HEMK2: variants seen among roughly 807,000 people sequenced by gnomAD.
HEMK2 encodes methyltransferase HEMK2.
At chr21:28,687,653 T>C in the HEMK2 span, among the ~76,000 whole-genome samples, 1 of 152,206 alleles carries the variant, frequency 6.6e-6, no homozygotes, top group Non-Finnish European at 1.5e-5. Context: ...AAAGATACTA[T>C]AAACATGTGA....
At chr21:28,802,641 G>A in the HEMK2 span, among the ~76,000 whole-genome samples, 3 of 152,176 alleles carry the variant, frequency 2.0e-5, no homozygotes, top group Non-Finnish European at 2.9e-5. Flanking sequence ...AGAGGCAGGG[G>A]AATCACTTGA....
the HEMK2 span, among the ~76,000 whole-genome samples, chr21:28,831,928 G>A: frequency 6.6e-6 from 1 of 151,886 alleles, no homozygotes; most frequent in Admixed American, 6.5e-5. Flanking sequence ...ATTTTGTAAG[G>A]TATATAGTAT....
At chr21:28,818,774 A>G in the HEMK2 span, among the ~76,000 whole-genome samples, 2 of 152,180 alleles carry the variant, frequency 1.3e-5, no homozygotes, top group African/African-American at 4.8e-5. Flanking sequence ...TAGCTTCACC[A>G]TTAATTGCTA....
chr21:28,793,002 C>G, the HEMK2 span, among the ~76,000 whole-genome samples: 2 of 152,208 alleles, frequency 1.3e-5, no homozygotes, highest in East Asian at 3.8e-4. Context: ...TAATTACCAC[C>G]TTAGCCCAAA....
At chr21:28,723,171 A>T in the HEMK2 span, among the ~76,000 whole-genome samples, 2 of 151,542 alleles carry the variant, frequency 1.3e-5, no homozygotes, top group African/African-American at 4.8e-5. Context: ...TGCCATGACC[A>T]GCTAATTTTT....
the HEMK2 span, among the ~76,000 whole-genome samples, chr21:28,679,404 G>C: frequency 1.3e-5 from 2 of 152,122 alleles, 1 homozygote; most frequent in South Asian, 4.1e-4. Context: ...CAAGTCCTTA[G>C]AGGCCTACAA....
At chr21:28,757,937 C>T in the HEMK2 span, among the ~76,000 whole-genome samples, 28 of 152,274 alleles carry the variant, frequency 1.8e-4, no homozygotes, top group Admixed American at 3.3e-4. Context: ...ATCATTTTCT[C>T]AGTAAACTGA....
chr21:28,783,467 G>A, the HEMK2 span, among the ~76,000 whole-genome samples: 1 of 152,226 alleles, frequency 6.6e-6, no homozygotes, highest in East Asian at 1.9e-4. Context: ...TTACAGGCAT[G>A]AGCCACTGCA....
chr21:28,722,711 G>A, the HEMK2 span, among the ~76,000 whole-genome samples: 10 of 151,960 alleles, frequency 6.6e-5, no homozygotes, highest in Non-Finnish European at 1.3e-4. Context: ...GAGAAACCCC[G>A]TCTCTACCAA....
chr21:28,838,737 C>T, the HEMK2 span, among the ~76,000 whole-genome samples: 3 of 150,698 alleles, frequency 2.0e-5, no homozygotes, highest in Non-Finnish European at 3.0e-5. Context: ...GTCGGTAGTT[C>T]GAGACCAGCC....
chr21:28,869,439 T>A, the HEMK2 span, among the ~76,000 whole-genome samples: 4 of 151,972 alleles, frequency 2.6e-5, no homozygotes, highest in African/African-American at 9.7e-5. Flanking sequence ...ATAACCCTTA[T>A]CTGGTTTTGT....
At chr21:28,880,928 T>TTAA in the HEMK2 span, among the ~76,000 whole-genome samples, 9 of 104,436 alleles carry the variant, frequency 8.6e-5, no homozygotes, top group Admixed American at 7.7e-4. Flanking sequence ...ATCATTTATT[T>TTAA]AAAAAAAAAA....
the HEMK2 span, among the ~76,000 whole-genome samples, chr21:28,826,939 C>T: frequency 6.6e-6 from 1 of 152,094 alleles, no homozygotes; most frequent in African/African-American, 2.4e-5. Flanking sequence ...AGTAAGTAGG[C>T]TGAAACAGAG....
the HEMK2 span, among the ~76,000 whole-genome samples, chr21:28,692,013 T>C: frequency 1.3e-5 from 2 of 152,234 alleles, no homozygotes; most frequent in African/African-American, 4.8e-5. Context: ...CTGGAACAAA[T>C]GTTCTACTCT....
At chr21:28,857,893 C>A in the HEMK2 span, among the ~76,000 whole-genome samples, 359 of 152,310 alleles carry the variant, frequency 2.4e-3, 3 homozygotes, top group African/African-American at 7.9e-3. Context: ...TCCACACAGT[C>A]CACTGTTCAT....
chr21:28,831,463 G>GAAAAGA, the HEMK2 span, among the ~76,000 whole-genome samples: 33 of 10,872 alleles, frequency 3.0e-3, 3 homozygotes, highest in African/African-American at 0.012. Context: ...AGAAAAGAAC[G>GAAAAGA]AAAGAAAGAA....
the HEMK2 span, among the ~76,000 whole-genome samples, chr21:28,575,708 C>T: frequency 1.3e-5 from 2 of 152,118 alleles, no homozygotes; most frequent in African/African-American, 4.8e-5. Flanking sequence ...CACATAACTA[C>T]CACCCAATGA....
At chr21:28,619,005 T>C in the HEMK2 span, among the ~76,000 whole-genome samples, 1 of 152,200 alleles carries the variant, frequency 6.6e-6, no homozygotes, top group South Asian at 2.1e-4. Flanking sequence ...TAAAATTAGG[T>C]CACTAGCGTA....
At chr21:28,644,798 C>T in the HEMK2 span, among the ~76,000 whole-genome samples, 2 of 152,116 alleles carry the variant, frequency 1.3e-5, no homozygotes, top group African/African-American at 4.8e-5. Context: ...GATGACCAGG[C>T]AATGTAAAAT....
Sources: gnomAD v4.1 joint callset for allele counts (sites outside exome capture counted in the v4.1 genomes callset) on GRCh38, gnomAD v4.1.1 for gene constraint, MANE v1.5 for transcripts, NCBI Gene and HGNC (gene_info 2026-07-23, HGNC 2026-07-21) for gene names.